The following CGGBP1 variants were observed in gnomAD, a reference collection of about 807,000 sequenced individuals.
CGGBP1 encodes CGG triplet repeat-binding protein 1.
Under a neutral mutation model 11.4 loss-of-function variants are expected in CGGBP1, and 4 were observed. The ratio of observed to expected loss-of-function variants is 0.35; its 90% CI spans 0.17 to 0.80. The LOEUF is 0.80. Among genes scored for constraint, CGGBP1 ranks in the 30% least tolerant of loss-of-function variants. The probability of loss-of-function intolerance (pLI) is 0.52; values close to 1 mark genes in which losing one functional copy is unlikely to be tolerated. For synonymous variants in CGGBP1, 76 were observed against 74.1 expected (o/e 1.03, Z -0.13); for missense variants, 135 against 202.1 (o/e 0.67, Z 2.01).
At chr3:88,069,753 C>A (rs1454464892) in intron 2 of CGGBP1, among the ~76,000 whole-genome samples, 1 of 152,168 alleles carries the variant, frequency 6.6e-6, no homozygotes. Flanking sequence ...ATATATTACA[C>A]AAATTATAGC....
At chr3:88,104,640 G>C (rs911497449) in intron 2 of CGGBP1, among the ~76,000 whole-genome samples, 1 of 152,144 alleles carries the variant, frequency 6.6e-6, no homozygotes, top group Non-Finnish European at 1.5e-5. Context: ...GAGATTAGGC[G>C]GGATTTTTAA....
Position 88,058,610 on chromosome 3 carries a change from C to T in CGGBP1, c.-331+205G>A, listed in dbSNP as rs1303102669. On this transcript the variant is annotated intron_variant, in intron 1 of 3. Transcript: ENST00000482016. ...AGCTGTGGGCCCGGGAACTCGACAGCCGACTTGGCGGCAGTCTCAAGGGAG... is the reference window on the plus strand; with the variant it reads ...AGCTGTGGGCCCGGGAACTCGACAGTCGACTTGGCGGCAGTCTCAAGGGAG... 2.0e-5 allele frequency among the ~76,000 whole-genome samples: 3 copies of T among 152,342 alleles called. No individual in the cohort carries two copies. The East Asian group carries it at 5.8e-4, about 29-fold the overall frequency.
chr3:88,074,744 C>T (rs1694345822), intron 2 of CGGBP1, among the ~76,000 whole-genome samples: 1 of 152,146 alleles, frequency 6.6e-6, no homozygotes, highest in African/African-American at 2.4e-5. Context: ...ATATTTCTGT[C>T]AACTATACTA....
In CGGBP1 at chr3:88,054,592, A is replaced by G. The variant is rs1278680262; in HGVS notation, c.*881T>C. ...AGAAAGTAATTTTATCTGATCTGTC[A>G]GCCAAAAAAAAATTACTAATTCTCT... On this transcript the variant is annotated 3_prime_UTR_variant, in exon 4 of 4. Transcript: ENST00000482016. 1 of 152,344 alleles carries G rather than the reference A, an allele frequency of 6.6e-6. No homozygotes were observed. The highest frequency in any genetic ancestry group is 1.5e-5 in the Non-Finnish European group (1 of 68,020). 9.4% of individuals were successfully genotyped at this position (152,344 alleles called of 1,614,324 possible). A position where few individuals can be genotyped will look rare whatever the true frequency, so the allele number is the denominator to read the frequency against.
At chr3:88,122,893 T>A (rs1705858107) in intron 2 of CGGBP1, among the ~76,000 whole-genome samples, 1 of 151,090 alleles carries the variant, frequency 6.6e-6, no homozygotes, top group Non-Finnish European at 1.5e-5. Flanking sequence ...GCCTGTAATC[T>A]CAGCTACTCA....
intron 2 of CGGBP1, among the ~76,000 whole-genome samples, chr3:88,107,926 C>G: frequency 6.6e-6 from 1 of 151,928 alleles, no homozygotes. Context: ...GACTAACGTT[C>G]TTTTGGCCTT....
intron 2 of CGGBP1, among the ~76,000 whole-genome samples, chr3:88,123,022 A>G (rs1705869124): frequency 6.6e-6 from 1 of 151,696 alleles, no homozygotes; most frequent in Non-Finnish European, 1.5e-5. Flanking sequence ...AAAAAAAAAA[A>G]AAAAGTAAAA....
At chr3:88,060,327 A>ATGT (rs1236582879), upstream of CGGBP1, among the ~76,000 whole-genome samples, 1 of 152,118 alleles carries the variant, frequency 6.6e-6, no homozygotes, top group African/African-American at 2.4e-5. Context: ...CAGGGGTTTG[A>ATGT]TGTTGTTCAA....
intron 2 of CGGBP1, among the ~76,000 whole-genome samples, chr3:88,121,563 C>T (rs1705769635): frequency 6.6e-6 from 1 of 151,928 alleles, no homozygotes; most frequent in African/African-American, 2.4e-5. Context: ...TCCTCAGGAA[C>T]CTATCATAAA....
chr3:88,066,456 C>T (rs757862101), intron 2 of CGGBP1, among the ~76,000 whole-genome samples: 22 of 152,070 alleles, frequency 1.4e-4, no homozygotes, highest in Non-Finnish European at 2.8e-4. Context: ...CACCTGTAGT[C>T]CCAGCTACTT....
rs528287716 is a variant in CGGBP1 at position 88,146,642 on chromosome 3, CCT to C, written c.-338+3067_-338+3068del. ...TTCATATTAGGTATGGCTCCCATAC[CCT>C]GTCTTTGGCTCCAGTCATATTTAAA... is the stretch of plus-strand genomic sequence containing the variant. On this transcript the variant is annotated intron_variant, in intron 1 of 3. Coordinates refer to the CGGBP1 transcript ENST00000462901. Among the ~76,000 whole-genome samples, 91 of 152,158 alleles carry C rather than the reference CCT, an allele frequency of 6.0e-4. No homozygotes were observed. The East Asian group carries it at 6.4e-3, about 11-fold the overall frequency.
intron 2 of CGGBP1, among the ~76,000 whole-genome samples, chr3:88,081,850 C>T (rs1425138752): frequency 1.3e-5 from 2 of 152,090 alleles, no homozygotes; most frequent in Non-Finnish European, 2.9e-5. Context: ...TTTACTGTTG[C>T]TGTAGAGTCA....
At chr3:88,059,524 G>T (rs1289116229), upstream of CGGBP1, 3 of 1,459,496 alleles carry the variant, frequency 2.1e-6, no homozygotes, top group South Asian at 1.4e-5. Context: ...TCCGTTGGCC[G>T]CCCCGACTTG....
At chr3:88,060,244 A>G (rs1706789982), upstream of CGGBP1, among the ~76,000 whole-genome samples, 2 of 152,072 alleles carry the variant, frequency 1.3e-5, no homozygotes, top group Non-Finnish European at 2.9e-5. Context: ...TTCAATATAT[A>G]ATGTATTTTA....
chr3:88,074,344 C>CTTT lies in CGGBP1; in HGVS notation c.-228-16124_-228-16122dup, dbSNP rs60776911. On this transcript the variant is annotated intron_variant, in intron 2 of 3. Coordinates refer to the CGGBP1 transcript ENST00000462901. ...ACTTCCAGGCTCTTTTTATATCTTA[C>CTTT]TTTTTTTTTTTTTTTGAGACTGAGT... 7.5e-3 allele frequency among the ~76,000 whole-genome samples: 1,037 copies of CTTT among 137,562 alleles called. 21 individuals carry two copies. Among genetic ancestry groups the CTTT allele is most frequent in the South Asian group, 0.021 (93 of 4,438 alleles). The allele number at this position is 137,562 out of a possible 152,430, so 90.2% of individuals were successfully genotyped here.
chr3:88,083,056 T>C (rs959211283), intron 2 of CGGBP1, among the ~76,000 whole-genome samples: 3 of 150,590 alleles, frequency 2.0e-5, no homozygotes, highest in African/African-American at 7.3e-5. Context: ...CTCCTCCCTC[T>C]TCCTCCCTCT....
chr3:88,078,260 G>C (rs535466754), intron 2 of CGGBP1, among the ~76,000 whole-genome samples: 1 of 152,100 alleles, frequency 6.6e-6, no homozygotes, highest in Non-Finnish European at 1.5e-5. Flanking sequence ...ATGAATGAAG[G>C]GGGTAGACCC....
At chr3:88,099,466 G>GA (rs1384620650) in intron 2 of CGGBP1, among the ~76,000 whole-genome samples, 3 of 152,204 alleles carry the variant, frequency 2.0e-5, no homozygotes, top group African/African-American at 7.2e-5. Flanking sequence ...CACAGAATTG[G>GA]AAAAAACTAC....
At chr3:88,059,670 G>A (rs573802019), upstream of CGGBP1, among the ~76,000 whole-genome samples, 1 of 151,970 alleles carries the variant, frequency 6.6e-6, no homozygotes, top group African/African-American at 2.4e-5. Flanking sequence ...TTGGGGTGGG[G>A]GGCGGGGAGC....
Sources: gnomAD v4.1 joint callset for allele counts (sites outside exome capture counted in the v4.1 genomes callset) on GRCh38, gnomAD v4.1.1 for gene constraint, MANE v1.5 for transcripts, NCBI Gene and HGNC (gene_info 2026-07-23, HGNC 2026-07-21) for gene names.